Variants in AKAP12 observed in about 807,000 individuals in gnomAD.
AKAP12 encodes the protein A-kinase anchoring protein 12, also known as A-kinase anchor protein 12.
Under a neutral mutation model 79.9 loss-of-function variants are expected in AKAP12, and 32 were observed. The ratio of observed to expected loss-of-function variants is 0.40; its 90% CI spans 0.30 to 0.54. The LOEUF (loss-of-function observed/expected upper bound fraction) is 0.54. Ranked by LOEUF, AKAP12 falls within the 20% of genes least tolerant of loss-of-function variation. The pLI is 0.48. For synonymous variants in AKAP12, 808 were observed against 857.0 expected, an observed-to-expected ratio of 0.94 and a Z score of 1.00; for missense variants, 2,074 against 2,177.0, an observed-to-expected ratio of 0.95 and a Z score of 0.94.
At chr6:151,348,081 A>C (rs935569732) in intron 3 of AKAP12, among the ~76,000 whole-genome samples, 4 of 151,970 alleles carry the variant, frequency 2.6e-5, no homozygotes, top group Admixed American at 2.6e-4. Flanking sequence ...TGAACCCAGG[A>C]GGCGGAGCTT....
chr6:151,346,964 T>C (rs1022426878), intron 3 of AKAP12, among the ~76,000 whole-genome samples: 1 of 152,240 alleles, frequency 6.6e-6, no homozygotes, highest in Non-Finnish European at 1.5e-5. Context: ...ATTCATGGAT[T>C]CTTTTTTTAT....
chr6:151,342,145 G>C (rs1777968940), intron 3 of AKAP12, among the ~76,000 whole-genome samples: 1 of 152,240 alleles, frequency 6.6e-6, no homozygotes. Context: ...AAAGTCACCA[G>C]GATTTAGCGA....
rs539612827 is a variant in AKAP12, at chr6:151,325,275, G to A, written c.319+19372G>A. Reference sequence around the variant, plus strand: ...TTAAACAAACATAAGGATGCAGAATGCAGTCTTTAAAATGGAGGGAGAATT... The same window carrying A: ...TTAAACAAACATAAGGATGCAGAATACAGTCTTTAAAATGGAGGGAGAATT... On this transcript the variant is annotated intron_variant, in intron 3 of 4. Transcript: ENST00000402676. 5.1e-6 allele frequency: 5 copies of A among 985,422 alleles called. No homozygotes were observed. In the African/African-American group the frequency reaches 8.7e-5, roughly 17 times the overall value. 61.0% of individuals were successfully genotyped at this position (985,422 alleles called of 1,614,324 possible).
intron 2 of AKAP12, among the ~76,000 whole-genome samples, chr6:151,245,051 G>C (rs533685834): frequency 6.6e-6 from 1 of 152,198 alleles, no homozygotes; most frequent in Non-Finnish European, 1.5e-5. Context: ...GATTATTCTA[G>C]TTTGGATCTT....
At position 151,247,520 on chromosome 6, in the gene AKAP12, C is replaced by T. The variant is rs192591753; in HGVS notation, c.162+6796C>T. 5.4e-3 allele frequency among the ~76,000 whole-genome samples: 821 copies of T among 150,984 alleles called. 9 individuals carry two copies. The highest frequency in any genetic ancestry group is 0.019 in the African/African-American group (789 of 40,832). On this transcript the variant is annotated intron_variant, in intron 2 of 4. Coordinates refer to ENST00000402676, the MANE Select transcript of AKAP12 (RefSeq NM_005100.4). ...AGCTGAGGTAGAGCAGTCTTACTCT[C>T]CTTTGCTCCTTTTCCTTTCCAAATT...
chr6:151,347,026 A>C (rs1237914752), intron 3 of AKAP12, among the ~76,000 whole-genome samples: 1 of 151,756 alleles, frequency 6.6e-6, no homozygotes, highest in Non-Finnish European at 1.5e-5. Flanking sequence ...TTTCTTTTTC[A>C]CATCAGACGA....
chr6:151,282,470 A>G (rs1776429257), intron 2 of AKAP12, among the ~76,000 whole-genome samples: 1 of 152,142 alleles, frequency 6.6e-6, no homozygotes, highest in Non-Finnish European at 1.5e-5. Flanking sequence ...CCACATGCCC[A>G]ACCTTCACCA....
intron 3 of AKAP12, among the ~76,000 whole-genome samples, chr6:151,334,456 G>A (rs936431408): frequency 4.6e-5 from 7 of 151,848 alleles, no homozygotes; most frequent in Admixed American, 2.6e-4. Context: ...TTAGCGGGGC[G>A]TGGTGGTGAG....
At chr6:151,313,277 T>G (rs1379109255) in intron 3 of AKAP12, among the ~76,000 whole-genome samples, 1 of 152,204 alleles carries the variant, frequency 6.6e-6, no homozygotes, top group Non-Finnish European at 1.5e-5. Context: ...CAAACACAAG[T>G]GCCCAATAGA....
chr6:151,337,429 C>A (rs556920077), intron 3 of AKAP12, among the ~76,000 whole-genome samples: 1 of 150,058 alleles, frequency 6.7e-6, no homozygotes, highest in Non-Finnish European at 1.5e-5. Flanking sequence ...ACAGAAGAAT[C>A]GCTTGAACCC....
chr6:151,321,920 T>TTTCTG (rs1777401852), intron 3 of AKAP12, among the ~76,000 whole-genome samples: 1 of 145,738 alleles, frequency 6.9e-6, no homozygotes, highest in Non-Finnish European at 1.5e-5. Context: ...TTTTTTTTTT[T>TTTCTG]TTTTTTTTGA....
rs538052368 is a variant in AKAP12, at chr6:151,253,332, T to C, written c.162+12608T>C. On this transcript the variant is annotated intron_variant, in intron 2 of 4. Transcript: ENST00000402676. ...TCAAAGAATATGTCTTTAGAAACTT[T>C]CGTTTGAAATTGTTTTTCATTTGGA... Among the ~76,000 whole-genome samples the C allele has an allele frequency of 1.3e-3, 199 of 152,360 alleles. 1 individual carries two copies. Among genetic ancestry groups the C allele is most frequent in the African/African-American group, 4.4e-3 (184 of 41,586 alleles).
intron 3 of AKAP12, among the ~76,000 whole-genome samples, chr6:151,340,043 A>C (rs1367678945): frequency 6.6e-6 from 1 of 151,798 alleles, no homozygotes; most frequent in African/African-American, 2.4e-5. Flanking sequence ...TCTCTGCCTC[A>C]GCCTCCCGAG....
rs757460092 is a variant in AKAP12 at position 151,351,164 on chromosome 6, G to C, written c.2773G>C (p.Val925Leu). The change falls in exon 4 of 5, where the codon GTA (valine) becomes CTA (leucine). Residue 925 changes from valine (V) to leucine (L), a missense_variant. By Grantham distance (32) the Val-to-Leu change is conservative. Coordinates refer to ENST00000402676, the MANE Select transcript of AKAP12 (RefSeq NM_005100.4). This position sits in a 1 kb window ranked among gnomAD's most constrained non-coding sequence, Gnocchi z 4.4. ...TTCAGTGACAGAACCTCTTGAACAA[G>C]TAGAAGCTGAAGCCGCACTGTTAAC... Reference protein sequence around the residue: ...SASVTEPLEQVEAEAALLTEE... With the variant: ...SASVTEPLEQLEAEAALLTEE... The C allele has an allele frequency of 4.2e-5, 67 of 1,614,100 alleles. 1 individual carries two copies. Among genetic ancestry groups the C allele is most frequent in the Non-Finnish European group, 2.4e-5 (28 of 1,180,056 alleles).
In AKAP12 at chr6:151,353,603, A is replaced by G. The variant is rs779801420; in HGVS notation, c.5212A>G (p.Lys1738Glu). 54 of 1,614,026 alleles carry G rather than the reference A, an allele frequency of 3.3e-5. No individual in the cohort carries two copies. The highest frequency in any genetic ancestry group is 4.0e-5 in the Non-Finnish European group (47 of 1,180,020). ...TACAAATGGACCAAAACAAAAAGAG[A>G]AGGAGGATGCCCAGGAAGTAGAATT... Reference protein sequence around the residue: ...PDTNGPKQKEKEDAQEVELQE... With the variant: ...PDTNGPKQKEEEDAQEVELQE... The change falls in exon 4 of 5, where the codon AAG (lysine) becomes GAG (glutamate). Residue 1738 changes from lysine (K) to glutamate (E), a missense_variant. Physicochemically the swap from Lys to Glu is moderately conservative, Grantham distance 56. This residue lies in a region of AKAP12 where 614 missense variants were observed against 665.6 expected (regional missense o/e 0.92). Coordinates refer to ENST00000402676, the MANE Select transcript of AKAP12 (RefSeq NM_005100.4).
chr6:151,279,900 T>C (rs1183342795), intron 2 of AKAP12, among the ~76,000 whole-genome samples: 1 of 152,138 alleles, frequency 6.6e-6, no homozygotes, highest in Non-Finnish European at 1.5e-5. Context: ...AAATTTTAAA[T>C]AAATATCTTT....
intron 3 of AKAP12, chr6:151,324,586 C>T: frequency 3.0e-6 from 3 of 985,390 alleles, no homozygotes; most frequent in Non-Finnish European, 3.6e-6. Context: ...TGAACAAGAT[C>T]TTCATTCTCT....
rs1776880175 is a variant in AKAP12 at position 151,302,316 on chromosome 6, C to T, written c.163-3431C>T. 3.3e-5 allele frequency among the ~76,000 whole-genome samples: 5 copies of T among 152,202 alleles called. No homozygotes were observed. The South Asian group carries it at 1.0e-3, about 32-fold the overall frequency. ...TGAGCCACTGCGCCTGGTGTAACAT[C>T]TCTTTTTTAAATGATGTTTTTATTT... is the stretch of plus-strand genomic sequence containing the variant. On this transcript the variant is annotated intron_variant, in intron 2 of 4. Transcript: ENST00000402676.
rs151321698 is a variant in AKAP12 at position 151,350,499 on chromosome 6, G to T, written c.2108G>T (p.Gly703Val). The stretch of plus-strand genomic sequence containing the variant: ...GGGTCCTCTTCTGATGAGGAAGGGG[G>T]ACCAAAAGCAATGGGAGGAGACCAC... Reference protein sequence around the residue: ...RRGSSSDEEGGPKAMGGDHQK... With the variant: ...RRGSSSDEEGVPKAMGGDHQK... The change falls in exon 4 of 5, where the codon GGA (glycine) becomes GTA (valine). Residue 703 changes from glycine to valine, a missense_variant. Transcript: ENST00000402676. The surrounding 1 kb of genome is among the most constrained non-coding windows in gnomAD (Gnocchi z 4.8). 7.5e-5 allele frequency: 121 copies of T among 1,614,056 alleles called. No individual in the cohort carries two copies. The African/African-American group carries it at 1.2e-3, about 16-fold the overall frequency.
Sources: allele counts gnomAD v4.1 joint callset (sites outside exome capture counted in the v4.1 genomes callset), GRCh38; gene constraint gnomAD v4.1.1; regional missense constraint gnomAD v4.1.1; non-coding constraint Gnocchi (gnomAD v3.1); transcripts MANE v1.5; gene names NCBI Gene and HGNC (gene_info 2026-07-23, HGNC 2026-07-21).